PI4KA: variants seen among roughly 807,000 people sequenced by gnomAD.
PI4KA encodes the protein PI4-kinase alpha.
A neutral mutation model predicts 271.4 loss-of-function variants in PI4KA; 122 were observed. That is an observed-to-expected ratio of 0.45 (90% CI 0.39 to 0.52). The LOEUF is 0.52. PI4KA is among the 20% of genes least tolerant of loss of function. The probability of loss-of-function intolerance (pLI) is 0.00; values close to 1 mark genes in which losing one functional copy is unlikely to be tolerated. For synonymous variants in PI4KA, 1,041 were observed against 1,078.8 expected (o/e 0.96, Z 0.69); for missense variants, 1,969 against 2,769.1 (o/e 0.71, Z 6.48).
intron 1 of PI4KA, among the ~76,000 whole-genome samples, chr22:20,849,619 G>A (rs886122267): frequency 5.9e-5 from 9 of 152,074 alleles, no homozygotes; most frequent in Non-Finnish European, 7.4e-5. Flanking sequence ...TTGGGAGGCC[G>A]AGGCAGGTGG....
intron 19 of PI4KA, chr22:20,779,818 T>G (rs1292972645): frequency 3.1e-6 from 5 of 1,614,232 alleles, no homozygotes; most frequent in Non-Finnish European, 3.4e-6. Context: ...TCCTTAGGTC[T>G]GAAGGGAGAG....
intron 1 of PI4KA, among the ~76,000 whole-genome samples, chr22:20,842,442 T>C (rs772798722): frequency 1.1e-4 from 16 of 152,168 alleles, no homozygotes; most frequent in Admixed American, 2.0e-4. Context: ...ACTAATGTAA[T>C]TGGTCACTGG....
At chr22:20,746,038 CAAAAAAAAAA>C (rs11330592) in intron 29 of PI4KA, among the ~76,000 whole-genome samples, 1 of 60,374 alleles carries the variant, frequency 1.7e-5, no homozygotes, top group South Asian at 7.0e-4. Context: ...GGGGTTTCAT[CAAAAAAAAAA>C]AAAAAAAAAA....
At chr22:20,854,956 A>G (rs1318835010) in intron 1 of PI4KA, among the ~76,000 whole-genome samples, 1 of 152,184 alleles carries the variant, frequency 6.6e-6, no homozygotes, top group Non-Finnish European at 1.5e-5. Flanking sequence ...GTTTGAGACC[A>G]GCCTGGCCAA....
chr22:20,785,608 C>A (rs1458348178), intron 19 of PI4KA, among the ~76,000 whole-genome samples: 1 of 152,010 alleles, frequency 6.6e-6, no homozygotes, highest in African/African-American at 2.4e-5. Context: ...AGGAAAGGTT[C>A]TTTTTAAAAG....
intron 20 of PI4KA, 71 bp from the exon 21 acceptor site, chr22:20,765,307 T>C (rs943543404): frequency 1.4e-6 from 2 of 1,449,980 alleles, no homozygotes; most frequent in East Asian, 2.3e-5. Context: ...TGACTGACAA[T>C]TTCTATAGTC....
intron 1 of PI4KA, among the ~76,000 whole-genome samples, chr22:20,852,706 A>G (rs1927140190): frequency 6.6e-6 from 1 of 152,150 alleles, no homozygotes; most frequent in African/African-American, 2.4e-5. Flanking sequence ...AGCAAAGGGA[A>G]AGAGGATAGG....
At chr22:20,762,390 GAGCCAGGTTCCTGAATAA>G (rs1360844019) in intron 22 of PI4KA, among the ~76,000 whole-genome samples, 1 of 152,214 alleles carries the variant, frequency 6.6e-6, no homozygotes, top group East Asian at 1.9e-4. Context: ...CTGGGAACCT[GAGCCAGGTTCCTGAATAA>G]AGGCTTTGAG....
At chr22:20,761,640 G>A (rs75046641) in intron 22 of PI4KA, among the ~76,000 whole-genome samples, 4,497 of 152,290 alleles carry the variant, frequency 0.03, 87 homozygotes, top group Middle Eastern at 0.061. Flanking sequence ...TAACAGCACT[G>A]ACTGCATTAT....
At position 20,780,009 on chromosome 22, in the gene PI4KA, C is replaced by T. The variant is rs1933639818; in HGVS notation, c.2328+13184G>A. 3 of 1,614,152 alleles carry T rather than the reference C, an allele frequency of 1.9e-6. No homozygotes were observed. The South Asian group carries it at 3.3e-5, about 18-fold the overall frequency. On this transcript the variant is annotated intron_variant, in intron 19 of 54. Transcript: ENST00000255882. The stretch of plus-strand genomic sequence containing the variant: ...TTATATCCAGAAGCAGTTTCCAATC[C>T]TGCTTGACTTCAAAACTAAAGTAAG...
intron 3 of PI4KA, among the ~76,000 whole-genome samples, chr22:20,829,170 T>C (rs1923830263): frequency 6.6e-6 from 1 of 152,106 alleles, no homozygotes; most frequent in Non-Finnish European, 1.5e-5. Flanking sequence ...GATGCTACCC[T>C]CATAGAATTA....
At chr22:20,804,499 G>C (rs1472195335) in intron 11 of PI4KA, 99 bp from the exon 12 acceptor site, 15 of 831,636 alleles carry the variant, frequency 1.8e-5, no homozygotes, top group Non-Finnish European at 2.9e-5. Flanking sequence ...TAAAACCCCA[G>C]AGACATACTT....
chr22:20,811,372 T>C (rs189930527), intron 8 of PI4KA, among the ~76,000 whole-genome samples: 53 of 152,214 alleles, frequency 3.5e-4, no homozygotes, highest in African/African-American at 1.3e-3. Flanking sequence ...ACAGGCACAG[T>C]TGTGTGACAT....
In PI4KA at chr22:20,805,072, G is replaced by A. The variant is rs771162202; in HGVS notation, c.1262C>T (p.Ala421Val). 19 of 1,613,964 alleles carry A rather than the reference G, an allele frequency of 1.2e-5. No homozygotes were observed. The East Asian group carries it at 3.1e-4, about 26-fold the overall frequency. ...GCTCAGCTCATTGTGGATCCGGTCT[G>A]CGTCATGTAGAATCTTCTGGAGCTC... ...QGELQKILHD[A>V]DRIHNELSPL... Residue 421 changes from alanine to valine, a missense_variant, in exon 11 of 55, where the codon GCA becomes GTA. Around this residue, in one of 13 missense-constraint regions of PI4KA, gnomAD observed 540 missense variants for 555.5 expected, o/e 0.97. Transcript: ENST00000255882.
chr22:20,709,833 T>C, intron 53 of PI4KA, 75 bp downstream of exon 53: 2 of 857,422 alleles, frequency 2.3e-6, no homozygotes, highest in Non-Finnish European at 4.0e-6. Flanking sequence ...ACATGAAAGG[T>C]ACCTATCTTG....
intron 2 of PI4KA, among the ~76,000 whole-genome samples, chr22:20,835,202 C>G (rs1238912675): frequency 6.6e-6 from 1 of 152,028 alleles, no homozygotes; most frequent in Non-Finnish European, 1.5e-5. Context: ...GACTTTATAG[C>G]CAACTTTAGC....
intron 32 of PI4KA, among the ~76,000 whole-genome samples, chr22:20,738,125 G>C (rs928811813): frequency 4.6e-5 from 7 of 151,956 alleles, no homozygotes; most frequent in African/African-American, 1.5e-4. Flanking sequence ...TAGTGTGTAG[G>C]CAGGTGTGTG....
Position 20,813,078 on chromosome 22 carries a change from C to T in PI4KA, c.1005+280G>A, listed in dbSNP as rs138981382. On this transcript the variant is annotated intron_variant, in intron 8 of 54. Coordinates refer to ENST00000255882, the MANE Select transcript of PI4KA (RefSeq NM_058004.4). ...GGACTGGATGCAGCCCAGCTGCTGGCCTACATATCCATGACGTGTTTGACA... is the reference window on the plus strand; with the variant it reads ...GGACTGGATGCAGCCCAGCTGCTGGTCTACATATCCATGACGTGTTTGACA... Among the ~76,000 whole-genome samples the T allele has an allele frequency of 5.6e-3, 859 of 152,284 alleles. 5 individuals carry two copies. Among genetic ancestry groups the T allele is most frequent in the African/African-American group, 0.019 (797 of 41,544 alleles).
At chr22:20,824,128 G>T (rs1197972826) in intron 4 of PI4KA, among the ~76,000 whole-genome samples, 198 bp downstream of exon 4, 1 of 150,454 alleles carries the variant, frequency 6.6e-6, no homozygotes, top group African/African-American at 2.4e-5. Context: ...AAAAAGAAAA[G>T]TTTAATAAGA....
Sources: allele counts gnomAD v4.1 joint callset (sites outside exome capture counted in the v4.1 genomes callset), GRCh38; gene constraint gnomAD v4.1.1; regional missense constraint gnomAD v4.1.1; transcripts MANE v1.5; gene names NCBI Gene and HGNC (gene_info 2026-07-23, HGNC 2026-07-21).